The following TMEM132B variants were observed in gnomAD, a reference collection of about 807,000 sequenced individuals.
TMEM132B encodes the protein transmembrane protein 132B.
TMEM132B carries 18 observed loss-of-function variants against 90.8 expected under a neutral mutation model. The ratio of observed to expected loss-of-function variants is 0.20; its 90% CI spans 0.14 to 0.29. The LOEUF (loss-of-function observed/expected upper bound fraction) is 0.29. Among genes scored for constraint, TMEM132B ranks in the 10% least tolerant of loss-of-function variants. The pLI is 1.00. For synonymous variants in TMEM132B, 504 were observed against 523.3 expected (o/e 0.96, Z 0.50); for missense variants, 1,096 against 1,326.8 (o/e 0.83, Z 2.70).
intron 1 of TMEM132B, among the ~76,000 whole-genome samples, chr12:125,196,031 C>T (rs147965005): frequency 8.7e-4 from 132 of 152,040 alleles, no homozygotes; most frequent in Non-Finnish European, 1.8e-3. Flanking sequence ...AGGTTAGAGC[C>T]GAGGAGGGAT....
chr12:125,332,094 A>T (rs1224469806), intron 1 of TMEM132B, among the ~76,000 whole-genome samples: 2 of 152,182 alleles, frequency 1.3e-5, no homozygotes, highest in Non-Finnish European at 2.9e-5. Context: ...CCATATGAAA[A>T]TAATACTCTA....
At chr12:125,232,329 A>G (rs1328374073) in intron 1 of TMEM132B, among the ~76,000 whole-genome samples, 1 of 152,152 alleles carries the variant, frequency 6.6e-6, no homozygotes, top group Non-Finnish European at 1.5e-5. Flanking sequence ...GTCCATTTGA[A>G]GAAGATAGAA....
In TMEM132B at chr12:125,653,742, C is replaced by G; in HGVS notation, c.2284C>G (p.Pro762Ala). ...GGTTGCAGAGGGTGAAGGACAAGGG[C>G]CTTTGATTAAGTTAGAAATGATGAT... ...IVVAEGEGQGPLIKLEMMISE... is the reference protein window; with the variant it reads ...IVVAEGEGQGALIKLEMMISE... Residue 762 changes from proline to alanine, a missense_variant, in exon 9 of 9, where the codon CCT becomes GCT. By Grantham distance (27) the Pro-to-Ala change is conservative (BLOSUM62 -1). Transcript: ENST00000682704. 2 of 1,614,072 alleles carry G rather than the reference C, an allele frequency of 1.2e-6. No homozygotes were observed. The highest frequency in any genetic ancestry group is 1.7e-6 in the Non-Finnish European group (2 of 1,180,024).
chr12:125,301,880 A>AAACAAAACAC (rs1875833996), intron 1 of TMEM132B: 1 of 150,376 alleles, frequency 6.6e-6, no homozygotes, highest in South Asian at 2.1e-4. Context: ...CTCCGTCTCA[A>AAACAAAACAC]AACAAAACAA....
In TMEM132B at chr12:125,213,642, T is replaced by A. The variant is rs1481699071; in HGVS notation, c.67+26776T>A. ...TATAAATTACTGTGTGATTTTTCTG[T>A]CTAGCACTTATCACTATCTGAATGA... On this transcript the variant is annotated intron_variant, in intron 1 of 8. Coordinates refer to ENST00000682704, the MANE Select transcript of TMEM132B (RefSeq NM_001366854.1). The surrounding 1 kb of genome is among the most constrained non-coding windows in gnomAD (Gnocchi z 4.2). Among the ~76,000 whole-genome samples, 1 of 152,272 alleles carries A rather than the reference T, an allele frequency of 6.6e-6. No homozygotes were observed. Among genetic ancestry groups the A allele is most frequent in the Non-Finnish European group, 1.5e-5 (1 of 68,044 alleles).
intron 1 of TMEM132B, among the ~76,000 whole-genome samples, chr12:125,193,223 G>C (rs1872843296): frequency 6.6e-6 from 1 of 152,192 alleles, no homozygotes. Context: ...GTGAGGGGTA[G>C]GATGTGTCCT....
At chr12:125,477,044 T>A (rs1402994374) in intron 3 of TMEM132B, among the ~76,000 whole-genome samples, 1 of 152,172 alleles carries the variant, frequency 6.6e-6, no homozygotes, top group Admixed American at 6.5e-5. Context: ...TAGTAGAGGA[T>A]GCTTAGATGC....
At chr12:125,535,269 A>G (rs1177015214) in intron 4 of TMEM132B, among the ~76,000 whole-genome samples, 2 of 152,132 alleles carry the variant, frequency 1.3e-5, no homozygotes, top group Non-Finnish European at 2.9e-5. Flanking sequence ...CTTTGTGTTG[A>G]GAATTTTTGA....
intron 1 of TMEM132B, among the ~76,000 whole-genome samples, chr12:125,237,241 A>G (rs1409427542): frequency 3.3e-5 from 5 of 152,096 alleles, no homozygotes; most frequent in Non-Finnish European, 7.4e-5. Context: ...CCAGTGCCGC[A>G]GGTGACCTCC....
At chr12:125,318,840 G>C (rs1876351565) in intron 1 of TMEM132B, among the ~76,000 whole-genome samples, 1 of 152,212 alleles carries the variant, frequency 6.6e-6, no homozygotes, top group Non-Finnish European at 1.5e-5. Context: ...TATGTTCACT[G>C]TATTATAAAA....
Position 125,654,839 on chromosome 12 carries a change from T to A in TMEM132B, c.*129T>A. On this transcript the variant is annotated 3_prime_UTR_variant, in exon 9 of 9. Coordinates refer to ENST00000682704, the MANE Select transcript of TMEM132B (RefSeq NM_001366854.1). The surrounding 1 kb of genome is among the most constrained non-coding windows in gnomAD (Gnocchi z 5.8). ...GTGGAGGTCTGGTGGGATTCATTTC[T>A]AAGCAGGTAAAAGAGGTTTGGAGAG... 1 of 1,142,192 alleles carries A rather than the reference T, an allele frequency of 8.8e-7. No individual in the cohort carries two copies. The highest frequency in any genetic ancestry group is 1.2e-6 in the Non-Finnish European group (1 of 820,784). The allele number at this position is 1,142,192 out of a possible 1,614,324, so 70.8% of individuals were successfully genotyped here.
intron 3 of TMEM132B, among the ~76,000 whole-genome samples, chr12:125,432,637 TTATGAGCATTACTTTTGCTGG>T (rs1269958802): frequency 5.3e-5 from 8 of 149,550 alleles, no homozygotes; most frequent in Non-Finnish European, 1.5e-5. Context: ...GGCCTGTTGT[TTATGAGCATTACTTTTGCTGG>T]TTGGGAGCAT....
intron 2 of TMEM132B, among the ~76,000 whole-genome samples, chr12:125,352,494 G>A (rs1435652594): frequency 6.6e-6 from 1 of 152,216 alleles, no homozygotes; most frequent in Non-Finnish European, 1.5e-5. Context: ...CCTTCGGCAA[G>A]TCACTTATCG....
intron 3 of TMEM132B, among the ~76,000 whole-genome samples, chr12:125,487,912 A>C (rs1312930219): frequency 6.6e-6 from 1 of 152,064 alleles, no homozygotes; most frequent in Non-Finnish European, 1.5e-5. Context: ...ATATCATGTG[A>C]TCATATTATA....
At chr12:125,325,225 C>A (rs1876528338) in intron 1 of TMEM132B, among the ~76,000 whole-genome samples, 1 of 152,128 alleles carries the variant, frequency 6.6e-6, no homozygotes, top group Non-Finnish European at 1.5e-5. Flanking sequence ...CACACAAAAC[C>A]CAGAAAAAAG....
rs1293675892 is a variant in TMEM132B, at chr12:125,662,145, AT to A, written c.*7438del. 1 of 152,176 alleles carries A rather than the reference AT, an allele frequency of 6.6e-6. No individual in the cohort carries two copies. Among genetic ancestry groups the A allele is most frequent in the Non-Finnish European group, 1.5e-5 (1 of 68,026 alleles). The allele number at this position is 152,176 out of a possible 1,614,324, so 9.4% of individuals were successfully genotyped here. On this transcript the variant is annotated 3_prime_UTR_variant, in exon 9 of 9. Transcript: ENST00000682704. ...AAAGGTGTTATCCCTTACTTTCCAC[AT>A]TTCTGAATTGGATTCTTGTTCCCTG...
At chr12:125,642,990 A>T (rs917655579) in intron 5 of TMEM132B, among the ~76,000 whole-genome samples, 1 of 151,914 alleles carries the variant, frequency 6.6e-6, no homozygotes, top group Non-Finnish European at 1.5e-5. Flanking sequence ...AACCACTTGG[A>T]AGTTTACTCT....
chr12:125,518,013 G>A (rs1279572152), intron 3 of TMEM132B, among the ~76,000 whole-genome samples: 1 of 152,134 alleles, frequency 6.6e-6, no homozygotes, highest in Non-Finnish European at 1.5e-5. Flanking sequence ...ACAATATTGG[G>A]CACTGTGGTA....
At chr12:125,495,240 C>T (rs1292147588) in intron 3 of TMEM132B, among the ~76,000 whole-genome samples, 1 of 132,816 alleles carries the variant, frequency 7.5e-6, no homozygotes, top group East Asian at 2.4e-4. Flanking sequence ...TGGCCGTGTC[C>T]GTCCTCCCCC....
Sources: allele counts gnomAD v4.1 joint callset (sites outside exome capture counted in the v4.1 genomes callset), GRCh38; gene constraint gnomAD v4.1.1; non-coding constraint Gnocchi (gnomAD v3.1); transcripts MANE v1.5; gene names NCBI Gene and HGNC (gene_info 2026-07-23, HGNC 2026-07-21).